Variants in ITPR2 observed in about 807,000 individuals in gnomAD.
The protein encoded by ITPR2 is inositol 1,4,5-trisphosphate receptor type 2, also known as inositol 1,4,5-trisphosphate-gated calcium channel ITPR2.
Under a neutral mutation model 317.1 loss-of-function variants are expected in ITPR2, and 207 were observed. The ratio of observed to expected loss-of-function variants is 0.65; its 90% CI spans 0.58 to 0.73. The LOEUF (loss-of-function observed/expected upper bound fraction) is 0.73. Ranked by LOEUF, ITPR2 falls within the 30% of genes least tolerant of loss-of-function variation. The pLI is 0.00. For synonymous variants in ITPR2, 1,156 were observed against 1,149.1 expected (o/e 1.01, Z -0.12); for missense variants, 2,613 against 3,284.0 (o/e 0.80, Z 4.99).
chr12:26,505,690 C>T (rs1420859352), intron 37 of ITPR2, among the ~76,000 whole-genome samples: 1 of 152,082 alleles, frequency 6.6e-6, no homozygotes, highest in Non-Finnish European at 1.5e-5. Flanking sequence ...GGAACTATAC[C>T]TTTCTTTTTT....
At chr12:26,772,787 G>A (rs1275700661) in intron 2 of ITPR2, among the ~76,000 whole-genome samples, 2 of 150,530 alleles carry the variant, frequency 1.3e-5, no homozygotes, top group Non-Finnish European at 3.0e-5. Flanking sequence ...AGCAGAACAT[G>A]CAGGTTTGTT....
chr12:26,595,927 C>T (rs1299558870), intron 31 of ITPR2, among the ~76,000 whole-genome samples: 1 of 152,178 alleles, frequency 6.6e-6, no homozygotes, highest in Non-Finnish European at 1.5e-5. Context: ...CTCTCCTTCC[C>T]TCCCCTCCAA....
Position 26,622,449 on chromosome 12 carries a change from A to G in ITPR2, c.3123-44T>C, listed in dbSNP as rs201649467. The G allele has an allele frequency of 1.2e-3, 1,695 of 1,430,696 alleles. 7 individuals carry two copies. Among genetic ancestry groups the G allele is most frequent in the Middle Eastern group, 4.8e-3 (25 of 5,178 alleles). 88.6% of individuals were successfully genotyped at this position (1,430,696 alleles called of 1,614,324 possible). A position where few individuals can be genotyped will look rare whatever the true frequency, so the allele number is the denominator to read the frequency against. On this transcript the variant is annotated intron_variant, in intron 24 of 56. Transcript: ENST00000381340. ...TTCTAAAGTGACTCCTATTTATATA[A>G]CATCTACACTTCAGTATTAGAATTG...
intron 1 of ITPR2, among the ~76,000 whole-genome samples, chr12:26,791,228 C>A (rs1950334459): frequency 6.6e-6 from 1 of 152,144 alleles, no homozygotes; most frequent in Non-Finnish European, 1.5e-5. Context: ...TCTCTTAATA[C>A]CAGACTCACT....
intron 49 of ITPR2, chr12:26,421,171 T>C (rs1940880363): frequency 6.6e-6 from 1 of 152,194 alleles, no homozygotes; most frequent in Non-Finnish European, 1.5e-5. Context: ...ACATTTAATT[T>C]CTCAAATAAT....
At chr12:26,542,021 C>T (rs1345282538) in intron 37 of ITPR2, among the ~76,000 whole-genome samples, 4 of 152,208 alleles carry the variant, frequency 2.6e-5, no homozygotes, top group African/African-American at 4.8e-5. Flanking sequence ...CTAAATATCA[C>T]CTACCCAACC....
At chr12:26,599,837 A>G (rs1945951238) in intron 29 of ITPR2, 150 bp downstream of exon 29, 1 of 586,784 alleles carries the variant, frequency 1.7e-6, no homozygotes, top group Non-Finnish European at 2.9e-6. Flanking sequence ...CCTTAATGAA[A>G]AAAAAAAGAT....
At chr12:26,401,665 C>T (rs1940180546) in intron 52 of ITPR2, among the ~76,000 whole-genome samples, 1 of 152,166 alleles carries the variant, frequency 6.6e-6, no homozygotes, top group South Asian at 2.1e-4. Flanking sequence ...TATGCAGCCA[C>T]AATATGCCCG....
chr12:26,719,884 T>C (rs1476917737), intron 5 of ITPR2, among the ~76,000 whole-genome samples: 2 of 152,164 alleles, frequency 1.3e-5, no homozygotes, highest in African/African-American at 4.8e-5. Flanking sequence ...CTGACCTTTA[T>C]TCCCTTTTAA....
chr12:26,589,465 C>T (rs973768498), intron 32 of ITPR2, among the ~76,000 whole-genome samples: 1 of 151,888 alleles, frequency 6.6e-6, no homozygotes, highest in East Asian at 1.9e-4. Context: ...AATTTCATTA[C>T]TATTAGTAAT....
At chr12:26,479,157 A>AAC (rs1565549669) in intron 43 of ITPR2, among the ~76,000 whole-genome samples, 1 of 150,626 alleles carries the variant, frequency 6.6e-6, no homozygotes, top group Non-Finnish European at 1.5e-5. Flanking sequence ...AAAAAAAAAA[A>AAC]AACTATACTT....
rs2137317327 is a variant in ITPR2, at chr12:26,831,554, CA to C, written c.92+1135del. ...CCTAAGTGTTGAAACAACGAGGTAA[CA>C]AAAAATTTCCTGTGCATCAAAATAT... On this transcript the variant is annotated intron_variant, in intron 1 of 56. Transcript: ENST00000381340. This position sits in a 1 kb window ranked among gnomAD's most constrained non-coding sequence, Gnocchi z 4.9. Among the ~76,000 whole-genome samples the C allele has an allele frequency of 6.6e-6, 1 of 152,024 alleles. No individual in the cohort carries two copies.
At chr12:26,676,610 A>G (rs1468466115) in intron 13 of ITPR2, among the ~76,000 whole-genome samples, 1 of 152,102 alleles carries the variant, frequency 6.6e-6, no homozygotes, top group East Asian at 1.9e-4. Flanking sequence ...AAAGAGAAAG[A>G]ACAAGTGAGA....
intron 37 of ITPR2, among the ~76,000 whole-genome samples, chr12:26,541,146 T>TA (rs3058665): frequency 0.049 from 5,423 of 110,062 alleles, 367 homozygotes; most frequent in African/African-American, 0.15. Flanking sequence ...CATCTCTGCT[T>TA]AAAAAAAAAA....
At chr12:26,600,132 T>C (rs540959423) in intron 28 of ITPR2, 23 bp from the exon 29 acceptor site, 92 of 1,594,420 alleles carry the variant, frequency 5.8e-5, no homozygotes, top group Non-Finnish European at 7.5e-5. Flanking sequence ...GAATAGCACA[T>C]GATAGAAACA....
chr12:26,672,147 A>C (rs1020414386), intron 13 of ITPR2, among the ~76,000 whole-genome samples: 3 of 152,190 alleles, frequency 2.0e-5, no homozygotes, highest in Non-Finnish European at 4.4e-5. Flanking sequence ...TCAATGACAC[A>C]GAAAGTTAAC....
At chr12:26,819,264 A>G (rs1446558592) in intron 1 of ITPR2, among the ~76,000 whole-genome samples, 1 of 152,196 alleles carries the variant, frequency 6.6e-6, no homozygotes, top group Non-Finnish European at 1.5e-5. Flanking sequence ...AGTCAATAAT[A>G]ACACTGGAGA....
At chr12:26,424,231 G>A (rs1472806551) in intron 49 of ITPR2, among the ~76,000 whole-genome samples, 1 of 152,160 alleles carries the variant, frequency 6.6e-6, no homozygotes, top group African/African-American at 2.4e-5. Context: ...AACTATCCTA[G>A]CGAAGACAGA....
intron 37 of ITPR2, among the ~76,000 whole-genome samples, chr12:26,521,385 T>G (rs1183983577): frequency 6.6e-6 from 1 of 152,192 alleles, no homozygotes; most frequent in African/African-American, 2.4e-5. Flanking sequence ...ATATACTTGG[T>G]AATGCACTAT....
Sources: gnomAD v4.1 joint callset for allele counts (sites outside exome capture counted in the v4.1 genomes callset) on GRCh38, gnomAD v4.1.1 for gene constraint, Gnocchi (gnomAD v3.1) non-coding constraint, MANE v1.5 for transcripts, NCBI Gene and HGNC (gene_info 2026-07-23, HGNC 2026-07-21) for gene names.